The following IQGAP3 variants were observed in gnomAD, a reference collection of about 807,000 sequenced individuals.
The protein encoded by IQGAP3 is IQ motif containing GTPase activating protein 3.
A neutral mutation model predicts 208.2 loss-of-function variants in IQGAP3; 165 were observed. That is an observed-to-expected ratio of 0.79 (90% CI 0.70 to 0.90). The LOEUF (loss-of-function observed/expected upper bound fraction) is 0.90, where lower values mean the gene tolerates loss of function less well. IQGAP3 is among the 40% of genes least tolerant of loss of function. The pLI is 0.00. For synonymous variants in IQGAP3, 703 were observed against 803.6 expected (o/e 0.87, Z 2.12); for missense variants, 1,811 against 2,043.1 (o/e 0.89, Z 2.19).
chr1:156,533,486 C>T (rs1674523720), intron 31 of IQGAP3, among the ~76,000 whole-genome samples: 1 of 152,184 alleles, frequency 6.6e-6, no homozygotes, highest in African/African-American at 2.4e-5. Context: ...GGCCCGGAAA[C>T]CCCTCCTTCT....
chr1:156,556,742 A>G, intron 11 of IQGAP3, 49 bp from the exon 12 acceptor site: 1 of 1,460,654 alleles, frequency 6.8e-7, no homozygotes, highest in Non-Finnish European at 9.1e-7. Context: ...ATTCAGTGGC[A>G]TCTCCACTCT....
intron 4 of IQGAP3, 115 bp downstream of exon 4, chr1:156,565,912 A>T: frequency 1.3e-6 from 1 of 778,800 alleles, no homozygotes; most frequent in Non-Finnish European, 2.2e-6. Flanking sequence ...AGATTAAGTT[A>T]GTTTAGAAGA....
intron 13 of IQGAP3, among the ~76,000 whole-genome samples, chr1:156,552,961 C>A (rs1366146967): frequency 6.6e-6 from 1 of 152,192 alleles, no homozygotes; most frequent in East Asian, 1.9e-4. Flanking sequence ...GTAGTCCTAG[C>A]TACTTGGGAG....
chr1:156,557,528 T>C (rs1200383418), intron 11 of IQGAP3, among the ~76,000 whole-genome samples: 1 of 59,022 alleles, frequency 1.7e-5, no homozygotes, highest in Non-Finnish European at 3.6e-5. Context: ...TGAGGACCCC[T>C]CTGCCCGGCC....
Position 156,551,973 on chromosome 1 carries a change from C to A in IQGAP3, c.1570+1G>T. 1 of 1,613,510 alleles carries A rather than the reference C, an allele frequency of 6.2e-7. No individual in the cohort carries two copies. Among genetic ancestry groups the A allele is most frequent in the South Asian group, 1.1e-5 (1 of 90,990 alleles). On this transcript the variant is annotated splice_donor_variant, in intron 14 of 37. Transcript: ENST00000361170. LOFTEE classifies it high-confidence loss of function. ...TCCACCCAGCTCCAGACTATACTTA[C>A]GGTCAGTCTCTTCCTGGGTCTGTGC...
chr1:156,527,434 C>T lies in IQGAP3; in HGVS notation c.4782+518G>A, dbSNP rs144004297. 3.3e-4 allele frequency among the ~76,000 whole-genome samples: 50 copies of T among 152,062 alleles called. No individual in the cohort carries two copies. The Middle Eastern group carries it at 0.017, about 52-fold the overall frequency. ...CAGAGGTTGCAGTGAGCTGAGATTG[C>T]GCCATTGCACTCCAGCCTGGGTGAC... On this transcript the variant is annotated intron_variant, in intron 37 of 37. Transcript: ENST00000361170.
In IQGAP3 at chr1:156,548,229, C is replaced by A. The variant is rs774433919; in HGVS notation, c.2148G>T (p.Lys716Asn). ...GTTGGCGGTCATAGGCAGCAGTGAC[C>A]TTGGTGACAGCTGACTGTGGAGGCA... Reference protein sequence around the residue: ...TREEIQSAVTKVTAAYDRQQL... With the variant: ...TREEIQSAVTNVTAAYDRQQL... The change falls in exon 19 of 38, where the codon AAG becomes AAT. Residue 716 changes from lysine to asparagine, a missense_variant. By Grantham distance (94) the Lys-to-Asn change is moderately conservative. Transcript: ENST00000361170. The A allele has an allele frequency of 2.5e-6, 4 of 1,613,588 alleles. No homozygotes were observed. The East Asian group carries it at 6.7e-5, about 27-fold the overall frequency.
intron 31 of IQGAP3, 93 bp downstream of exon 31, chr1:156,533,680 T>G: frequency 1.0e-6 from 1 of 980,842 alleles, no homozygotes; most frequent in Non-Finnish European, 1.6e-6. Flanking sequence ...AGACCTAGGC[T>G]GCATGGGCAC....
chr1:156,531,026 T>G (rs1674367197), intron 33 of IQGAP3, 134 bp downstream of exon 33: 3 of 725,298 alleles, frequency 4.1e-6, no homozygotes, highest in African/African-American at 1.7e-5. Context: ...TCCAGAGTTC[T>G]CATTACTGGT....
chr1:156,534,617 G>T lies in IQGAP3; in HGVS notation c.3624C>A (p.Ala1208=). The T allele has an allele frequency of 1.2e-6, 2 of 1,612,396 alleles. No homozygotes were observed. The highest frequency in any genetic ancestry group is 1.7e-6 in the Non-Finnish European group (2 of 1,179,734). The change falls in exon 29 of 38, where the codon GCC becomes GCA. Residue 1208 remains alanine (A), a synonymous_variant. Transcript: ENST00000361170. ...GTAGGAGCTGAGCCACAGCCCCCAG[G>T]GCATGGCGCTGGGGGGCAGCCAGGG... is the stretch of plus-strand genomic sequence containing the variant. ...GGALAAPQRH[A]LGAVAQLLQH...
At chr1:156,552,583 T>G (rs913577550) in intron 13 of IQGAP3, among the ~76,000 whole-genome samples, 1 of 152,354 alleles carries the variant, frequency 6.6e-6, no homozygotes, top group South Asian at 2.1e-4. Flanking sequence ...ATATCTATTA[T>G]ATGACCAAAT....
At chr1:156,552,205 CT>C in intron 13 of IQGAP3, 110 bp from the exon 14 acceptor site, 1 of 1,310,310 alleles carries the variant, frequency 7.6e-7, no homozygotes, top group Non-Finnish European at 1.0e-6. Flanking sequence ...ACACCACACT[CT>C]TTTAGTTCTC....
At position 156,538,810 on chromosome 1, in the gene IQGAP3, T is replaced by C; in HGVS notation, c.3280A>G (p.Ser1094Gly). The C allele has an allele frequency of 1.2e-6, 2 of 1,613,640 alleles. No individual in the cohort carries two copies. The highest frequency in any genetic ancestry group is 1.7e-6 in the Non-Finnish European group (2 of 1,179,588). The change falls in exon 26 of 38, where the codon AGC (serine) becomes GGC (glycine). Residue 1094 changes from serine (S) to glycine (G), a missense_variant and splice_region_variant. Transcript: ENST00000361170. The stretch of plus-strand genomic sequence containing the variant: ...TCCTCCCTCTGCCCATGTGCTCACC[T>C]GCGCTGCCCTGTCTGGGCCTCAGTC... Reference protein sequence around the residue: ...NQTEAQTGQRSHLPYDVTPEQ... With the variant: ...NQTEAQTGQRGHLPYDVTPEQ...
At chr1:156,528,660 C>G (rs1405784116) in intron 35 of IQGAP3, 50 bp from the exon 36 acceptor site, 1 of 1,448,978 alleles carries the variant, frequency 6.9e-7, no homozygotes, top group Admixed American at 1.9e-5. Flanking sequence ...ACTTTACCAC[C>G]AAAGAAACTT....
Position 156,533,879 on chromosome 1 carries a change from C to T in IQGAP3, c.3874-4G>A. ...AGTCCTGGTGCTCCAGCAACAGCTG[C>T]AGGACGGAGAAAGAAAAGGAGATGC... On this transcript the variant is annotated splice_region_variant and splice_polypyrimidine_tract_variant and intron_variant, in intron 30 of 37. Transcript: ENST00000361170. 6.2e-7 allele frequency: 1 copy of T among 1,607,464 alleles called. No individual in the cohort carries two copies. The highest frequency in any genetic ancestry group is 1.7e-5 in the Admixed American group (1 of 59,482).
At position 156,563,599 on chromosome 1, in the gene IQGAP3, C is replaced by G. The variant is rs746490813; in HGVS notation, c.573G>C (p.Lys191Asn). 1.9e-6 allele frequency: 3 copies of G among 1,613,846 alleles called. No homozygotes were observed. Among genetic ancestry groups the G allele is most frequent in the Non-Finnish European group, 2.5e-6 (3 of 1,179,946 alleles). Reference sequence around the variant, plus strand: ...GCTCATTGGCCAAGATGCCCCCGATCTTGCTGAAGGCAGGCAGCTGGAGGC... The same window carrying G: ...GCTCATTGGCCAAGATGCCCCCGATGTTGCTGAAGGCAGGCAGCTGGAGGC... ...KYGLQLPAFS[K>N]IGGILANELS... The change falls in exon 7 of 38, where the codon AAG (lysine) becomes AAC (asparagine). Residue 191 changes from lysine to asparagine, a missense_variant. Transcript: ENST00000361170.
chr1:156,533,139 GCATACACACACACATGCGCACACACA>G (rs746815577), intron 31 of IQGAP3, 33 bp from the exon 32 acceptor site: 7 of 1,612,216 alleles, frequency 4.3e-6, no homozygotes, highest in African/African-American at 1.3e-5. Context: ...AGGGAGACAG[GCATACACACACACATGCGCACACACA>G]CATACACACA....
chr1:156,527,335 C>T lies in IQGAP3; in HGVS notation c.4782+617G>A, dbSNP rs569798659. On this transcript the variant is annotated intron_variant, in intron 37 of 37. Transcript: ENST00000361170. The stretch of plus-strand genomic sequence containing the variant: ...TCTCTACTAAAAATACACAAAAAGC[C>T]GGTGTGGTGGCGCACGCCTGTAATC... Among the ~76,000 whole-genome samples, 9 of 151,460 alleles carry T rather than the reference C, an allele frequency of 5.9e-5. No homozygotes were observed. The East Asian group carries it at 1.6e-3, about 27-fold the overall frequency.
At chr1:156,534,230 G>A in intron 29 of IQGAP3, 89 bp from the exon 30 acceptor site, 2 of 1,582,476 alleles carry the variant, frequency 1.3e-6, no homozygotes, top group Non-Finnish European at 1.7e-6. Flanking sequence ...CTTCTCCAGT[G>A]ATTGCTCAGG....
Sources: allele counts gnomAD v4.1 joint callset (sites outside exome capture counted in the v4.1 genomes callset), GRCh38; gene constraint gnomAD v4.1.1; transcripts MANE v1.5; gene names NCBI Gene and HGNC (gene_info 2026-07-23, HGNC 2026-07-21).